The following NCKAP5 variants were observed in gnomAD, a reference collection of about 807,000 sequenced individuals.
NCKAP5 encodes nck-associated protein 5.
In NCKAP5, 92 loss-of-function variants were observed where a neutral mutation model predicts 167.0. That is an observed-to-expected ratio of 0.55 (90% CI 0.47 to 0.66). The LOEUF (loss-of-function observed/expected upper bound fraction) is 0.66. Among genes scored for constraint, NCKAP5 ranks in the 30% least tolerant of loss-of-function variants. The pLI is 0.00. For synonymous variants in NCKAP5, 891 were observed against 877.4 expected, an observed-to-expected ratio of 1.02 and a Z score of -0.27; for missense variants, 2,378 against 2,315.0, an observed-to-expected ratio of 1.03 and a Z score of -0.56.
intron 4 of NCKAP5, among the ~76,000 whole-genome samples, chr2:133,226,688 C>A (rs1574436913): frequency 6.7e-6 from 1 of 150,350 alleles, no homozygotes; most frequent in East Asian, 2.0e-4. Context: ...GGTGACACTT[C>A]TACAAGCCAA....
chr2:132,848,383 A>T (rs1688824550), intron 11 of NCKAP5, among the ~76,000 whole-genome samples: 2 of 152,182 alleles, frequency 1.3e-5, no homozygotes, highest in African/African-American at 4.8e-5. Flanking sequence ...AACATTAATG[A>T]TAACGGCTTT....
chr2:133,259,286 G>A (rs1041788131), intron 4 of NCKAP5, among the ~76,000 whole-genome samples: 1 of 152,010 alleles, frequency 6.6e-6, no homozygotes, highest in African/African-American at 2.4e-5. Flanking sequence ...GTGTTTTGGG[G>A]GAATCTTACA....
chr2:132,697,239 G>T (rs1223893784), intron 19 of NCKAP5, among the ~76,000 whole-genome samples: 16 of 152,208 alleles, frequency 1.1e-4, no homozygotes, highest in Non-Finnish European at 2.4e-4. Context: ...CCTTGGAGGA[G>T]CTGGTCCTCA....
intron 3 of NCKAP5, among the ~76,000 whole-genome samples, chr2:133,449,022 T>A (rs1313799916): frequency 2.6e-5 from 4 of 152,236 alleles, no homozygotes; most frequent in South Asian, 2.1e-4. Context: ...CTTATTAACC[T>A]TTTTTCCACA....
intron 3 of NCKAP5, among the ~76,000 whole-genome samples, chr2:133,499,809 C>A (rs762379911): frequency 1.6e-4 from 24 of 152,288 alleles, no homozygotes; most frequent in Non-Finnish European, 3.1e-4. Flanking sequence ...CCGCCCACCT[C>A]GGCCTCCCAA....
intron 8 of NCKAP5, among the ~76,000 whole-genome samples, chr2:132,886,352 T>C (rs1692219457): frequency 6.6e-6 from 1 of 152,244 alleles, no homozygotes; most frequent in South Asian, 2.1e-4. Context: ...TGCAATGTCC[T>C]TTTACCTCTT....
intron 8 of NCKAP5, among the ~76,000 whole-genome samples, chr2:132,880,346 T>C (rs987145958): frequency 2.0e-5 from 3 of 152,116 alleles, no homozygotes; most frequent in Non-Finnish European, 4.4e-5. Context: ...ATAGAAATGA[T>C]AGGCTGGGCT....
At chr2:133,477,515 T>G (rs1041953273) in intron 3 of NCKAP5, among the ~76,000 whole-genome samples, 6 of 152,204 alleles carry the variant, frequency 3.9e-5, no homozygotes, top group Admixed American at 2.0e-4. Flanking sequence ...CTTCAGTGGA[T>G]GCCTGAAACC....
intron 2 of NCKAP5, among the ~76,000 whole-genome samples, chr2:133,535,118 T>C (rs748129809): frequency 1.8e-4 from 27 of 152,220 alleles, no homozygotes; most frequent in Non-Finnish European, 2.9e-4. Context: ...GTTTATTGGC[T>C]ACTTGTATAT....
chr2:133,127,966 TATA>T (rs2082456721), intron 6 of NCKAP5, among the ~76,000 whole-genome samples: 1 of 152,170 alleles, frequency 6.6e-6, no homozygotes, highest in African/African-American at 2.4e-5. Flanking sequence ...GGTGTTAAAT[TATA>T]ATGCTGACCA....
At chr2:133,319,280 G>C (rs1233480291) in intron 3 of NCKAP5, among the ~76,000 whole-genome samples, 1 of 151,998 alleles carries the variant, frequency 6.6e-6, no homozygotes, top group Admixed American at 6.6e-5. Flanking sequence ...TGAGGGTAGA[G>C]GGCTGGGAAA....
intron 2 of NCKAP5, among the ~76,000 whole-genome samples, chr2:133,549,448 A>T (rs1180453099): frequency 8.7e-6 from 1 of 115,520 alleles, no homozygotes. Flanking sequence ...ATCTCACTCA[A>T]AACCGCTCAA....
At chr2:133,016,713 G>A (rs2078351399) in intron 6 of NCKAP5, among the ~76,000 whole-genome samples, 1 of 152,138 alleles carries the variant, frequency 6.6e-6, no homozygotes, top group African/African-American at 2.4e-5. Flanking sequence ...AAAAGTTTGT[G>A]TCTGAAAGGT....
chr2:133,369,000 C>T (rs149722226), intron 3 of NCKAP5, among the ~76,000 whole-genome samples: 3 of 152,060 alleles, frequency 2.0e-5, no homozygotes, highest in South Asian at 2.1e-4. Flanking sequence ...ACAACAAGAC[C>T]ACTGATTGAT....
At chr2:133,198,564 C>A (rs1299234296) in intron 5 of NCKAP5, among the ~76,000 whole-genome samples, 1 of 151,930 alleles carries the variant, frequency 6.6e-6, no homozygotes, top group Non-Finnish European at 1.5e-5. Flanking sequence ...TCATTGTCAT[C>A]AAAAAGTAAA....
intron 3 of NCKAP5, among the ~76,000 whole-genome samples, chr2:133,418,215 G>T (rs1412623802): frequency 6.6e-6 from 1 of 152,168 alleles, no homozygotes; most frequent in Non-Finnish European, 1.5e-5. Flanking sequence ...GCTGAGACAG[G>T]AATTGTCTTT....
the NCKAP5 span, among the ~76,000 whole-genome samples, chr2:133,579,115 A>T: frequency 1.4e-4 from 22 of 152,274 alleles, no homozygotes; most frequent in African/African-American, 4.8e-4. Flanking sequence ...ACATATCTTA[A>T]CTCATTTAAT....
the NCKAP5 span, among the ~76,000 whole-genome samples, chr2:133,611,413 T>C: frequency 6.6e-6 from 1 of 152,204 alleles, no homozygotes; most frequent in Admixed American, 6.5e-5. Context: ...GAATTCACTT[T>C]GCATTTGATT....
At chr2:133,104,653 C>T (rs948361270) in intron 6 of NCKAP5, among the ~76,000 whole-genome samples, 8 of 152,252 alleles carry the variant, frequency 5.3e-5, no homozygotes, top group African/African-American at 1.9e-4. Context: ...TTCCCCTTTG[C>T]CATGGCCTTT....
Sources: allele counts gnomAD v4.1 joint callset (sites outside exome capture counted in the v4.1 genomes callset), GRCh38; gene constraint gnomAD v4.1.1; transcripts MANE v1.5; gene names NCBI Gene and HGNC (gene_info 2026-07-23, HGNC 2026-07-21).